The following ANKRD34B variants were observed in gnomAD, a reference collection of about 807,000 sequenced individuals.
ANKRD34B encodes ankyrin repeat domain 34B.
A neutral mutation model predicts 4.4 loss-of-function variants in ANKRD34B; 2 were observed. The ratio of observed to expected loss-of-function variants is 0.46; its 90% CI spans 0.19 to 1.44. ANKRD34B has a LOEUF of 1.44. Ranked by LOEUF, ANKRD34B falls within the 40% of genes most tolerant of loss-of-function variation. The probability of loss-of-function intolerance (pLI) is 0.26; values close to 1 mark genes in which losing one functional copy is unlikely to be tolerated. For missense variants in ANKRD34B, 558 were observed against 604.7 expected, an observed-to-expected ratio of 0.92 and a Z score of 0.81; for synonymous variants, 226 against 227.1, an observed-to-expected ratio of 0.99 and a Z score of 0.05.
rs1208185892 is a variant in ANKRD34B, at chr5:80,559,921, A to C, written c.99T>G (p.Gly33=). The C allele has an allele frequency of 6.2e-7, 1 of 1,614,148 alleles. No homozygotes were observed. Among genetic ancestry groups the C allele is most frequent in the Non-Finnish European group, 8.5e-7 (1 of 1,180,020 alleles). ...GGTCGTTGCTCTCATTAATGTAGGC[A>C]CCGCCTTCTAGCAAAAGTCTTGTGA... ...LRLTRLLLEG[G]AYINESNDRG... is the part of the protein sequence containing the mutation. Residue 33 remains glycine (G), a synonymous_variant, in exon 5 of 5, where the codon GGT becomes GGG. Coordinates refer to ENST00000338682, the MANE Select transcript of ANKRD34B (RefSeq NM_001004441.3).
intron 2 of ANKRD34B, among the ~76,000 whole-genome samples, chr5:80,568,008 C>T (rs1746628100): frequency 1.3e-5 from 2 of 152,204 alleles, no homozygotes; most frequent in Admixed American, 1.3e-4. Context: ...TCCGAACATA[C>T]TTGCTACTTA....
chr5:80,566,396 C>G (rs950021845), intron 3 of ANKRD34B, among the ~76,000 whole-genome samples: 15 of 152,190 alleles, frequency 9.9e-5, no homozygotes, highest in Non-Finnish European at 1.5e-4. Context: ...CAGACAACCA[C>G]TTTCCTAGGC....
At chr5:80,562,036 G>C (rs1253845545) in intron 4 of ANKRD34B, among the ~76,000 whole-genome samples, 2 of 147,066 alleles carry the variant, frequency 1.4e-5, no homozygotes, top group Non-Finnish European at 3.0e-5. Context: ...AGATGAGCCA[G>C]TAGTAACTGA....
At position 80,563,825 on chromosome 5, in the gene ANKRD34B, G is replaced by C. The variant is rs1165962248; in HGVS notation, c.-104-10C>G. ...TCTGAATGCAAAGCATCTGAAAAGA[G>C]CTCACATGAGACAGTGATCACAAAA... is the stretch of plus-strand genomic sequence containing the variant. On this transcript the variant is annotated splice_polypyrimidine_tract_variant and intron_variant, in intron 3 of 4. Transcript: ENST00000338682. The C allele has an allele frequency of 6.6e-6, 1 of 152,158 alleles. No homozygotes were observed. The highest frequency in any genetic ancestry group is 1.5e-5 in the Non-Finnish European group (1 of 68,032). The allele number at this position is 152,158 out of a possible 1,614,324, so 9.4% of individuals were successfully genotyped here.
At chr5:80,561,302 T>C (rs987425300) in intron 4 of ANKRD34B, among the ~76,000 whole-genome samples, 5 of 152,142 alleles carry the variant, frequency 3.3e-5, no homozygotes, top group Non-Finnish European at 7.3e-5. Context: ...TGAATGTATA[T>C]ATAATATTTA....
In ANKRD34B at chr5:80,559,543, C is replaced by A. The variant is rs1257199272; in HGVS notation, c.477G>T (p.Gly159=). Residue 159 remains glycine, a synonymous_variant, in exon 5 of 5, where the codon GGG becomes GGT. Coordinates refer to ENST00000338682, the MANE Select transcript of ANKRD34B (RefSeq NM_001004441.3). Reference sequence around the variant, plus strand: ...TTAAGTATTGTTTAGTAGTATGCTTCCCACAGGGCAACTTTGCTGTTGTGA... The same window carrying A: ...TTAAGTATTGTTTAGTAGTATGCTTACCACAGGGCAACTTTGCTGTTGTGA... ...IIITTAKLPC[G]KHTTKQYLNM... 8 of 1,614,166 alleles carry A rather than the reference C, an allele frequency of 5.0e-6. No individual in the cohort carries two copies. The highest frequency in any genetic ancestry group is 6.8e-6 in the Non-Finnish European group (8 of 1,180,032).
intron 4 of ANKRD34B, among the ~76,000 whole-genome samples, chr5:80,561,920 C>T (rs1746415517): frequency 6.6e-6 from 1 of 152,110 alleles, no homozygotes; most frequent in African/African-American, 2.4e-5. Flanking sequence ...TCTAATTTTG[C>T]TTCTTCCTGA....
chr5:80,565,532 A>G (rs1439716260), intron 3 of ANKRD34B, among the ~76,000 whole-genome samples: 2 of 152,264 alleles, frequency 1.3e-5, no homozygotes, highest in African/African-American at 4.8e-5. Context: ...CTCAGCCTCT[A>G]GGAGTCTTGA....
intron 3 of ANKRD34B, among the ~76,000 whole-genome samples, chr5:80,565,699 A>G (rs1402570755): frequency 6.6e-6 from 1 of 152,236 alleles, no homozygotes; most frequent in East Asian, 1.9e-4. Context: ...GCTTTGTGAA[A>G]TGTTTATCAT....
At chr5:80,561,421 G>T (rs936730575) in intron 4 of ANKRD34B, among the ~76,000 whole-genome samples, 5 of 152,030 alleles carry the variant, frequency 3.3e-5, no homozygotes, top group African/African-American at 1.2e-4. Flanking sequence ...TTTGATAATA[G>T]AATAGATAAC....
intron 3 of ANKRD34B, among the ~76,000 whole-genome samples, chr5:80,565,953 C>G (rs534703659): frequency 2.0e-5 from 3 of 152,136 alleles, no homozygotes; most frequent in Non-Finnish European, 4.4e-5. Flanking sequence ...GCTTTTCATT[C>G]AAAAATTGCA....
At chr5:80,561,908 C>T (rs1746415412) in intron 4 of ANKRD34B, among the ~76,000 whole-genome samples, 1 of 152,094 alleles carries the variant, frequency 6.6e-6, no homozygotes. Context: ...AGAACACACA[C>T]ATCTAATTTT....
chr5:80,566,004 C>T (rs543672082), intron 3 of ANKRD34B, among the ~76,000 whole-genome samples: 9 of 152,304 alleles, frequency 5.9e-5, no homozygotes, highest in South Asian at 4.1e-4. Context: ...GGCATATTTA[C>T]GATGCTCCTT....
In ANKRD34B at chr5:80,559,441, A is replaced by C. The variant is rs766507003; in HGVS notation, c.579T>G (p.Thr193=). The stretch of plus-strand genomic sequence containing the variant: ...AAGAATGTGAAAGTGGCGATGAGGC[A>C]GTTTTGATGTCTATTTCTGAAGGAG... ...CTTPSEIDIK[T]ASSPLSHSSE... The change falls in exon 5 of 5, where the codon ACT becomes ACG. Residue 193 remains threonine, a synonymous_variant. Coordinates refer to ENST00000338682, the MANE Select transcript of ANKRD34B (RefSeq NM_001004441.3). 1.1e-5 allele frequency: 17 copies of C among 1,614,222 alleles called. No individual in the cohort carries two copies. Among genetic ancestry groups the C allele is most frequent in the Middle Eastern group, 3.3e-4 (2 of 6,060 alleles).
chr5:80,559,338 A>T lies in ANKRD34B; in HGVS notation c.682T>A (p.Ser228Thr). The change falls in exon 5 of 5, where the codon TCC becomes ACC. Residue 228 changes from serine to threonine, a missense_variant. Coordinates refer to ENST00000338682, the MANE Select transcript of ANKRD34B (RefSeq NM_001004441.3). ...GCCAATGCAGGTTTCCTCACAGGGG[A>T]ACCTGGGTCCCAGGTATCATCATTG... Reference protein sequence around the residue: ...GSNDDTWDPGSPVRKPALAPK... With the variant: ...GSNDDTWDPGTPVRKPALAPK... 6.2e-7 allele frequency: 1 copy of T among 1,614,176 alleles called. No individual in the cohort carries two copies. Among genetic ancestry groups the T allele is most frequent in the Non-Finnish European group, 8.5e-7 (1 of 1,180,014 alleles).
intron 3 of ANKRD34B, among the ~76,000 whole-genome samples, chr5:80,564,885 A>C (rs1746518517): frequency 6.6e-6 from 1 of 151,868 alleles, no homozygotes; most frequent in East Asian, 1.9e-4. Context: ...TTGTATTTTT[A>C]GTAGAGATGG....
chr5:80,560,058 G>C lies in ANKRD34B; in HGVS notation c.-23-16C>G, dbSNP rs758452396. 6 of 1,418,948 alleles carry C rather than the reference G, an allele frequency of 4.2e-6. No individual in the cohort carries two copies. The South Asian group carries it at 5.6e-5, about 13-fold the overall frequency. The allele number at this position is 1,418,948 out of a possible 1,614,324, so 87.9% of individuals were successfully genotyped here. On this transcript the variant is annotated splice_polypyrimidine_tract_variant and intron_variant, in intron 4 of 4. Transcript: ENST00000338682. ...AACTCAATACCTGGTTATCAAAGAT[G>C]GCAAAGACCAAAAGATTAGCCAGAA...
intron 3 of ANKRD34B, among the ~76,000 whole-genome samples, chr5:80,564,212 A>G (rs981774022): frequency 6.6e-6 from 1 of 152,116 alleles, no homozygotes; most frequent in African/African-American, 2.4e-5. Context: ...GGTTCTTGCT[A>G]TATTGTCCAG....
intron 3 of ANKRD34B, among the ~76,000 whole-genome samples, chr5:80,564,757 G>A (rs1235767508): frequency 1.4e-5 from 2 of 147,180 alleles, no homozygotes; most frequent in African/African-American, 2.6e-5. Flanking sequence ...CCAGGCTGGA[G>A]TGCAATGGCA....
Sources: allele counts gnomAD v4.1 joint callset (sites outside exome capture counted in the v4.1 genomes callset), GRCh38; gene constraint gnomAD v4.1.1; transcripts MANE v1.5; gene names NCBI Gene and HGNC (gene_info 2026-07-23, HGNC 2026-07-21).